Variants in ARFGEF1 observed in about 807,000 individuals in gnomAD.
The protein encoded by ARFGEF1 is brefeldin A-inhibited guanine nucleotide-exchange protein 1.
In ARFGEF1, 42 loss-of-function variants were observed where a neutral mutation model predicts 231.0. The observed-to-expected ratio is 0.18, with a 90% CI of 0.14 to 0.24. The LOEUF (loss-of-function observed/expected upper bound fraction) is 0.24. ARFGEF1 is among the 10% of genes least tolerant of loss of function. The pLI is 1.00. For synonymous variants in ARFGEF1, 710 were observed against 732.3 expected (o/e 0.97, Z 0.49); for missense variants, 1,345 against 2,192.0 (o/e 0.61, Z 7.72).
chr8:67,248,380 A>G lies in ARFGEF1; in HGVS notation c.2850+2919T>C, dbSNP rs1292894462. On this transcript the variant is annotated intron_variant, in intron 19 of 38. Coordinates refer to ENST00000262215, the MANE Select transcript of ARFGEF1 (RefSeq NM_006421.5). ...TTTGACAAAGGAACCAAGAACATAC[A>G]TTGGGAGAAAGGACAGTCTCTTCAA... is the stretch of plus-strand genomic sequence containing the variant. Among the ~76,000 whole-genome samples the G allele has an allele frequency of 4.0e-5, 6 of 150,408 alleles. 1 individual carries two copies. The highest frequency in any genetic ancestry group is 1.5e-4 in the African/African-American group (6 of 40,272).
chr8:67,211,413 G>A, intron 34 of ARFGEF1, 70 bp downstream of exon 34: 4 of 1,034,574 alleles, frequency 3.9e-6, no homozygotes, highest in South Asian at 2.2e-5. Context: ...AATAATAAAA[G>A]TAAAACCAAA....
intron 5 of ARFGEF1, among the ~76,000 whole-genome samples, chr8:67,182,227 T>C (rs972137759): frequency 6.6e-6 from 1 of 152,160 alleles, no homozygotes; most frequent in Non-Finnish European, 1.5e-5. Flanking sequence ...GGTCGCGAAC[T>C]CTTGAGCTTA....
chr8:67,310,342 G>A (rs1563907414), intron 1 of ARFGEF1, among the ~76,000 whole-genome samples: 1 of 152,184 alleles, frequency 6.6e-6, no homozygotes, highest in African/African-American at 2.4e-5. Flanking sequence ...CGAGTGATCC[G>A]CCAGCCTCAG....
intron 1 of ARFGEF1, among the ~76,000 whole-genome samples, chr8:67,308,425 T>C (rs941735327): frequency 1.3e-5 from 2 of 152,166 alleles, no homozygotes; most frequent in African/African-American, 4.8e-5. Context: ...GAAAGCTCTT[T>C]TAATGTGTTG....
In ARFGEF1 at chr8:67,302,849, A is replaced by C. The variant is rs1295676101; in HGVS notation, c.125-383T>G. 2.0e-5 allele frequency among the ~76,000 whole-genome samples: 3 copies of C among 147,958 alleles called. No homozygotes were observed. The Admixed American group carries it at 2.0e-4, about 10-fold the overall frequency. ...TAGTGCTTTGGGAGGCCAACGCAGG[A>C]GGATCACTTGAGGCAAGGAGTCTGA... On this transcript the variant is annotated intron_variant, in intron 1 of 38. Coordinates refer to ENST00000262215, the MANE Select transcript of ARFGEF1 (RefSeq NM_006421.5).
At chr8:67,220,223 G>A (rs545957977) in intron 29 of ARFGEF1, among the ~76,000 whole-genome samples, 7 of 152,274 alleles carry the variant, frequency 4.6e-5, no homozygotes, top group Middle Eastern at 3.4e-3. Flanking sequence ...CAAAACTTCC[G>A]TCTTCATTCC....
intron 30 of ARFGEF1, among the ~76,000 whole-genome samples, chr8:67,218,743 T>G (rs977336195): frequency 6.6e-5 from 10 of 152,128 alleles, no homozygotes; most frequent in Admixed American, 3.9e-4. Flanking sequence ...TTTCCTAAAA[T>G]GTATATTGTA....
chr8:67,258,107 T>G lies in ARFGEF1; in HGVS notation c.2419A>C (p.Arg807=). The part of the protein sequence containing the change: ...IDRLMEKFAA[R]YLECNQGQTL... Reference sequence around the variant, plus strand: ...TACCCTTGGTTGCATTCTAGGTATCTTGCAGCAAATTTTTCCATTAATCGA... The same window carrying G: ...TACCCTTGGTTGCATTCTAGGTATCGTGCAGCAAATTTTTCCATTAATCGA... Residue 807 remains arginine, a synonymous_variant, in exon 16 of 39, where the codon AGA becomes CGA. Transcript: ENST00000262215. 6.2e-7 allele frequency: 1 copy of G among 1,613,796 alleles called. No individual in the cohort carries two copies. The highest frequency in any genetic ancestry group is 1.1e-5 in the South Asian group (1 of 91,082).
intron 35 of ARFGEF1, among the ~76,000 whole-genome samples, 198 bp from the exon 36 acceptor site, chr8:67,203,449 C>T (rs1423064891): frequency 3.3e-5 from 5 of 152,240 alleles, no homozygotes; most frequent in Admixed American, 3.3e-4. Flanking sequence ...TTAGTCCAGA[C>T]CCTCCTGGAC....
At chr8:67,250,956 C>A (rs959750644) in intron 19 of ARFGEF1, among the ~76,000 whole-genome samples, 2 of 152,166 alleles carry the variant, frequency 1.3e-5, no homozygotes, top group Non-Finnish European at 2.9e-5. Flanking sequence ...AAAACAAGAG[C>A]CTCATGATCA....
At chr8:67,215,302 T>C (rs1201678828) in intron 33 of ARFGEF1, among the ~76,000 whole-genome samples, 1 of 152,104 alleles carries the variant, frequency 6.6e-6, no homozygotes, top group Non-Finnish European at 1.5e-5. Context: ...TTTAGACTTT[T>C]GGGGACCTTA....
At chr8:67,265,231 AACACTGGAGAAAAAAGAC>A (rs1033893146) in intron 14 of ARFGEF1, among the ~76,000 whole-genome samples, 3 of 152,208 alleles carry the variant, frequency 2.0e-5, no homozygotes, top group African/African-American at 4.8e-5. Context: ...TTTTCATATT[AACACTGGAGAAAAAAGAC>A]ACCTGAACAT....
rs776083859 is a variant in ARFGEF1 at position 67,222,180 on chromosome 8, C to CATATATAT, written c.4209-2621_4209-2620insATATATAT. Among the ~76,000 whole-genome samples, 688 of 86,454 alleles carry CATATATAT rather than the reference C, an allele frequency of 8.0e-3. 10 individuals are homozygous for CATATATAT. The highest frequency in any genetic ancestry group is 0.039 in the African/African-American group (637 of 16,482). The allele number at this position is 86,454 out of a possible 152,430, so 56.7% of individuals were successfully genotyped here. A position where few individuals can be genotyped will look rare whatever the true frequency, so the allele number is the denominator to read the frequency against. On this transcript the variant is annotated intron_variant, in intron 29 of 38. Coordinates refer to ENST00000262215, the MANE Select transcript of ARFGEF1 (RefSeq NM_006421.5). ...TTTTCCATGCATATATATATATATA[C>CATATATAT]ACATATATATATATATATATATATA...
At chr8:67,318,376 A>G (rs1053631016) in intron 1 of ARFGEF1, among the ~76,000 whole-genome samples, 1 of 152,182 alleles carries the variant, frequency 6.6e-6, no homozygotes, top group African/African-American at 2.4e-5. Context: ...GAGGAGAATG[A>G]TAAACAGTAG....
intron 7 of ARFGEF1, among the ~76,000 whole-genome samples, chr8:67,284,524 T>C (rs542760692): frequency 1.3e-5 from 2 of 152,310 alleles, no homozygotes; most frequent in East Asian, 3.9e-4. Flanking sequence ...CTCTCACTCA[T>C]CTTTAGTAGG....
intron 1 of ARFGEF1, among the ~76,000 whole-genome samples, chr8:67,310,950 CGTCCAGGAGGGAGGTGGG>C (rs1587285912): frequency 1.6e-5 from 1 of 62,216 alleles, no homozygotes; most frequent in Non-Finnish European, 3.2e-5. Context: ...GCAGCCACCC[CGTCCAGGAGGGAGGTGGG>C]GCCCGGGAGG....
chr8:67,288,060 A>T lies in ARFGEF1; in HGVS notation c.922T>A (p.Ser308Thr). The T allele has an allele frequency of 6.3e-7, 1 of 1,581,148 alleles. No individual in the cohort carries two copies. Among genetic ancestry groups the T allele is most frequent in the South Asian group, 1.2e-5 (1 of 84,708 alleles). The part of the protein sequence containing the change: ...ADQATAAETL[S>T]KNEVLYDGEN... The stretch of plus-strand genomic sequence containing the variant: ...CCGTCATATAACACTTCATTTTTAG[A>T]TAATGCTTTAAAAGAAGAAAAATTC... Residue 308 changes from serine (S) to threonine (T), a missense_variant, in exon 7 of 39, where the codon TCT becomes ACT. Transcript: ENST00000262215.
chr8:67,243,811 T>C (rs1037312107), intron 19 of ARFGEF1, among the ~76,000 whole-genome samples: 6 of 152,290 alleles, frequency 3.9e-5, no homozygotes, highest in African/African-American at 4.8e-5. Flanking sequence ...GTGACCTTTC[T>C]GACAGAGAAT....
intron 1 of ARFGEF1, among the ~76,000 whole-genome samples, chr8:67,339,805 G>GGGGGGGGGGGGGGGGGTTTTTTT (rs79194289): frequency 1.1e-5 from 1 of 92,686 alleles, no homozygotes. Context: ...CGGGGGGGGG[G>GGGGGGGGGGGGGGGGGTTTTTTT]ATTCTTTCTT....
Sources: gnomAD v4.1 joint callset for allele counts (sites outside exome capture counted in the v4.1 genomes callset) on GRCh38, gnomAD v4.1.1 for gene constraint, MANE v1.5 for transcripts, NCBI Gene and HGNC (gene_info 2026-07-23, HGNC 2026-07-21) for gene names.